CCNJ: variants seen among roughly 807,000 people sequenced by gnomAD.
CCNJ encodes cyclin-J.
In CCNJ, 12 loss-of-function variants were observed where a neutral mutation model predicts 41.4. That is an observed-to-expected ratio of 0.29 (90% CI 0.19 to 0.47). The LOEUF is 0.47. CCNJ is among the 20% of genes least tolerant of loss of function. The pLI is 1.00. For missense variants in CCNJ, 340 were observed against 464.6 expected (o/e 0.73, Z 2.47); for synonymous variants, 161 against 173.4 (o/e 0.93, Z 0.56).
chr10:96,049,921 T>C (rs2080476951), intron 2 of CCNJ, among the ~76,000 whole-genome samples: 1 of 152,108 alleles, frequency 6.6e-6, no homozygotes, highest in Non-Finnish European at 1.5e-5. Context: ...TGGTATGTGG[T>C]TGGTTTGTCA....
At chr10:96,055,061 G>T (rs1215092236) in intron 3 of CCNJ, among the ~76,000 whole-genome samples, 1 of 152,030 alleles carries the variant, frequency 6.6e-6, no homozygotes, top group Non-Finnish European at 1.5e-5. Flanking sequence ...GCAATAAGCT[G>T]GATAACTATG....
At chr10:96,047,511 G>A (rs1268833826) in intron 2 of CCNJ, among the ~76,000 whole-genome samples, 4 of 152,102 alleles carry the variant, frequency 2.6e-5, no homozygotes, top group Non-Finnish European at 4.4e-5. Flanking sequence ...GGCAGTGAGC[G>A]CTTGTAGTCC....
In CCNJ at chr10:96,056,726, T is replaced by C. The variant is rs2080706986; in HGVS notation, c.306T>C (p.Ser102=). Residue 102 remains serine, a synonymous_variant, in exon 4 of 6, where the codon AGT becomes AGC. Coordinates refer to ENST00000465148, the MANE Select transcript of CCNJ (RefSeq NM_001134375.2). ...GTAAATTTGAAGAAAAAGAAGACAG[T>C]GTGCCTAAGCTGGAGCAGCTCAACA... is the stretch of plus-strand genomic sequence containing the variant. ...LASKFEEKED[S]VPKLEQLNSL... 1 of 1,600,844 alleles carries C rather than the reference T, an allele frequency of 6.2e-7. No homozygotes were observed. Among genetic ancestry groups the C allele is most frequent in the Non-Finnish European group, 8.5e-7 (1 of 1,175,096 alleles).
intron 3 of CCNJ, 91 bp downstream of exon 3, chr10:96,050,557 TC>T: frequency 1.1e-6 from 1 of 896,760 alleles, no homozygotes; most frequent in Non-Finnish European, 1.8e-6. Flanking sequence ...TATCATCAAA[TC>T]CCATTCATTC....
chr10:96,056,050 C>T (rs868279263), intron 3 of CCNJ, among the ~76,000 whole-genome samples: 1 of 152,194 alleles, frequency 6.6e-6, no homozygotes, highest in Non-Finnish European at 1.5e-5. Context: ...TGGCTCACGC[C>T]TGTAATCCCA....
intron 3 of CCNJ, among the ~76,000 whole-genome samples, chr10:96,051,767 C>T (rs2080530965): frequency 6.6e-6 from 1 of 152,156 alleles, no homozygotes; most frequent in African/African-American, 2.4e-5. Flanking sequence ...ATTTTATTTT[C>T]TGACCTTTAT....
intron 2 of CCNJ, among the ~76,000 whole-genome samples, chr10:96,049,536 CCT>C (rs2080465340): frequency 7.0e-6 from 1 of 142,512 alleles, no homozygotes; most frequent in Non-Finnish European, 1.5e-5. Context: ...GTATCGTATC[CCT>C]GTTACTTCTT....
At chr10:96,045,505 A>G (rs1004528500) in intron 2 of CCNJ, among the ~76,000 whole-genome samples, 1 of 152,164 alleles carries the variant, frequency 6.6e-6, no homozygotes, top group Non-Finnish European at 1.5e-5. Context: ...TAGGCCTGAG[A>G]TTTCTAAATG....
chr10:96,044,325 G>A, intron 1 of CCNJ, 28 bp from the exon 2 acceptor site: 2 of 1,296,038 alleles, frequency 1.5e-6, no homozygotes, highest in Admixed American at 5.6e-5. Context: ...GGAGCCGGCA[G>A]TGACCGCGCC....
In CCNJ at chr10:96,057,232, T is replaced by C. The variant is rs1797141024; in HGVS notation, c.725T>C (p.Ile242Thr). The C allele has an allele frequency of 1.2e-6, 2 of 1,614,000 alleles. No individual in the cohort carries two copies. Among genetic ancestry groups the C allele is most frequent in the South Asian group, 1.1e-5 (1 of 91,082 alleles). ...AYSWDFLVQC[I>T]ERLLIAHDND... ...TCTTGGGATTTCTTAGTGCAGTGTA[T>C]TGAACGACTGTTGATGTAAGCCTTT... is the stretch of plus-strand genomic sequence containing the variant. The change falls in exon 5 of 6, where the codon ATT (isoleucine) becomes ACT (threonine). Residue 242 changes from isoleucine to threonine, a missense_variant. By Grantham distance (89) the Ile-to-Thr change is moderately conservative. Around this residue, in one of 3 missense-constraint regions of CCNJ, gnomAD observed 137 missense variants for 252.9 expected, o/e 0.54. Transcript: ENST00000465148.
At position 96,060,305 on chromosome 10, in the gene CCNJ, A is replaced by C. The variant is rs765601097; in HGVS notation, c.*2064A>C. On this transcript the variant is annotated 3_prime_UTR_variant, in exon 6 of 6. Transcript: ENST00000465148. ...CCTGTGGTAACTTAATGTCTTGTCA[A>C]ATACTTTTATTGATTGGTTTATATG... The C allele has an allele frequency of 6.6e-6, 1 of 152,632 alleles. No individual in the cohort carries two copies. Among genetic ancestry groups the C allele is most frequent in the Non-Finnish European group, 1.5e-5 (1 of 68,036 alleles). 9.5% of individuals were successfully genotyped at this position (152,632 alleles called of 1,614,324 possible).
At chr10:96,055,961 G>A (rs185748611) in intron 3 of CCNJ, among the ~76,000 whole-genome samples, 7 of 152,252 alleles carry the variant, frequency 4.6e-5, no homozygotes, top group Non-Finnish European at 7.3e-5. Context: ...GAAACAATTG[G>A]AGCTTAACTA....
Position 96,058,002 on chromosome 10 carries a change from A to C in CCNJ, c.913A>C (p.Thr305Pro). Residue 305 changes from threonine to proline, a missense_variant, in exon 6 of 6, where the codon ACG becomes CCG. By Grantham distance (38) the Thr-to-Pro change is conservative (BLOSUM62 -1). Around this residue, in one of 3 missense-constraint regions of CCNJ, gnomAD observed 159 missense variants for 168.2 expected, o/e 0.95. Coordinates refer to ENST00000465148, the MANE Select transcript of CCNJ (RefSeq NM_001134375.2). Reference sequence around the variant, plus strand: ...GACCTCACTGCAGTATCGCCATCCTACGTCAGAACAACCAAGCTGTCAGCA... The same window carrying C: ...GACCTCACTGCAGTATCGCCATCCTCCGTCAGAACAACCAAGCTGTCAGCA... Reference protein sequence around the residue: ...HQTSLQYRHPTSEQPSCQQIV... With the variant: ...HQTSLQYRHPPSEQPSCQQIV... The C allele has an allele frequency of 3.7e-6, 6 of 1,614,118 alleles. No homozygotes were observed. Among genetic ancestry groups the C allele is most frequent in the Non-Finnish European group, 5.1e-6 (6 of 1,180,014 alleles).
upstream of CCNJ, chr10:96,043,557 T>G (rs1429638117): frequency 2.5e-6 from 1 of 394,456 alleles, no homozygotes; most frequent in Non-Finnish European, 4.5e-6. Flanking sequence ...GCTGGCTTTG[T>G]ATGCGGAGCC....
At chr10:96,054,675 GTTTGA>G (rs1386108285) in intron 3 of CCNJ, among the ~76,000 whole-genome samples, 3 of 152,030 alleles carry the variant, frequency 2.0e-5, no homozygotes, top group African/African-American at 7.3e-5. Context: ...TCCATTTTTG[GTTTGA>G]TTTAACTTAT....
At chr10:96,053,119 A>G (rs147417818) in intron 3 of CCNJ, among the ~76,000 whole-genome samples, 28 of 151,882 alleles carry the variant, frequency 1.8e-4, no homozygotes, top group Admixed American at 5.9e-4. Flanking sequence ...CCAAAGATGG[A>G]GCATACCTTG....
At chr10:96,043,435 C>T (rs1286045851), upstream of CCNJ, 3 of 377,578 alleles carry the variant, frequency 7.9e-6, no homozygotes, top group African/African-American at 2.1e-5. Flanking sequence ...GCCGCCGCGC[C>T]GCCGCCTGGC....
At chr10:96,046,064 G>A (rs1017216599) in intron 2 of CCNJ, among the ~76,000 whole-genome samples, 3 of 152,066 alleles carry the variant, frequency 2.0e-5, no homozygotes, top group Non-Finnish European at 2.9e-5. Flanking sequence ...ATTGAGTTTG[G>A]ACATGGGTTC....
rs1270087879 is a variant in CCNJ at position 96,056,582 on chromosome 10, A to G, written c.281-119A>G. On this transcript the variant is annotated intron_variant, in intron 3 of 5. Coordinates refer to ENST00000465148, the MANE Select transcript of CCNJ (RefSeq NM_001134375.2). ...TGGCACAATTGTATCTGTGTAAGGTAAGTACGTCTTTGGATCTAAATCCTG... is the reference window on the plus strand; with the variant it reads ...TGGCACAATTGTATCTGTGTAAGGTGAGTACGTCTTTGGATCTAAATCCTG... The G allele has an allele frequency of 1.3e-5, 9 of 704,768 alleles. No homozygotes were observed. In the East Asian group the frequency reaches 1.9e-4, roughly 15 times the overall value. The allele number at this position is 704,768 out of a possible 1,614,324, so 43.7% of individuals were successfully genotyped here.
Sources: allele counts gnomAD v4.1 joint callset (sites outside exome capture counted in the v4.1 genomes callset), GRCh38; gene constraint gnomAD v4.1.1; regional missense constraint gnomAD v4.1.1; transcripts MANE v1.5; gene names NCBI Gene and HGNC (gene_info 2026-07-23, HGNC 2026-07-21).